The following AMD1 variants were observed in gnomAD, a reference collection of about 807,000 sequenced individuals.
AMD1 encodes the protein S-adenosylmethionine decarboxylase proenzyme.
In AMD1, 11 loss-of-function variants were observed where a neutral mutation model predicts 40.2. That is an observed-to-expected ratio of 0.27 (90% CI 0.17 to 0.45). The LOEUF is 0.45. Ranked by LOEUF, AMD1 falls within the 20% of genes least tolerant of loss-of-function variation. The probability of loss-of-function intolerance (pLI) is 1.00; values close to 1 mark genes in which losing one functional copy is unlikely to be tolerated. For missense variants in AMD1, 257 were observed against 410.2 expected (o/e 0.63, Z 3.23); for synonymous variants, 121 against 130.8 (o/e 0.93, Z 0.51).
the AMD1 span, among the ~76,000 whole-genome samples, chr6:110,851,089 G>A: frequency 1.3e-5 from 2 of 151,770 alleles, no homozygotes; most frequent in Non-Finnish European, 2.9e-5. Flanking sequence ...TCAGCTTCCC[G>A]AGTAGCTGGG....
intron 1 of AMD1, among the ~76,000 whole-genome samples, chr6:110,879,559 A>AG (rs1785295056): frequency 6.6e-6 from 1 of 152,182 alleles, no homozygotes; most frequent in Non-Finnish European, 1.5e-5. Flanking sequence ...TGCCGCAGGA[A>AG]GGCACCCTCA....
the AMD1 span, among the ~76,000 whole-genome samples, chr6:110,868,784 G>T: frequency 4.0e-3 from 610 of 152,090 alleles, 2 homozygotes; most frequent in African/African-American, 0.014. Context: ...GGCCAGGCGC[G>T]GTGGCTCACA....
chr6:110,819,882 C>G, the AMD1 span, among the ~76,000 whole-genome samples: 2 of 152,198 alleles, frequency 1.3e-5, no homozygotes, highest in African/African-American at 2.4e-5. Flanking sequence ...TCACTGACCC[C>G]TGGTCTCCTT....
chr6:110,854,566 A>G, the AMD1 span, among the ~76,000 whole-genome samples: 1 of 151,892 alleles, frequency 6.6e-6, no homozygotes, highest in Non-Finnish European at 1.5e-5. Context: ...CTCCTGCCTC[A>G]GCCTCCCAAG....
intron 1 of AMD1, among the ~76,000 whole-genome samples, chr6:110,879,056 C>T (rs887281448): frequency 2.0e-5 from 3 of 152,140 alleles, no homozygotes; most frequent in African/African-American, 4.8e-5. Flanking sequence ...TTACATTCCT[C>T]CCAGCAGTTT....
the AMD1 span, among the ~76,000 whole-genome samples, chr6:110,854,775 G>GA: frequency 1.6e-4 from 25 of 151,822 alleles, no homozygotes; most frequent in Non-Finnish European, 2.5e-4. Flanking sequence ...ACATTCTCTG[G>GA]AAAAAAATTC....
the AMD1 span, among the ~76,000 whole-genome samples, chr6:110,850,020 T>G: frequency 8.2e-6 from 1 of 122,398 alleles, no homozygotes; most frequent in Non-Finnish European, 1.7e-5. Context: ...CAAAACACTG[T>G]CAAAAAAAAA....
chr6:110,842,769 T>C, the AMD1 span, among the ~76,000 whole-genome samples: 4 of 152,092 alleles, frequency 2.6e-5, no homozygotes, highest in Non-Finnish European at 5.9e-5. Flanking sequence ...AAGAAAATCC[T>C]CTCTGGAAGA....
At chr6:110,848,538 A>G in the AMD1 span, 3 of 338,976 alleles carry the variant, frequency 8.9e-6, no homozygotes, top group East Asian at 3.4e-4. Context: ...CAACAACAAC[A>G]ACAAAACTGC....
chr6:110,882,176 G>A (rs1785442226), intron 1 of AMD1, among the ~76,000 whole-genome samples: 1 of 152,156 alleles, frequency 6.6e-6, no homozygotes. Context: ...CTGTCGCCCA[G>A]GCTGGTGTGC....
At chr6:110,886,948 G>A (rs1369008522) in intron 1 of AMD1, among the ~76,000 whole-genome samples, 1 of 152,118 alleles carries the variant, frequency 6.6e-6, no homozygotes, top group African/African-American at 2.4e-5. Context: ...CACATTTCCT[G>A]TTAAACGGGC....
the AMD1 span, chr6:110,858,264 AC>A: frequency 1.1e-6 from 1 of 922,108 alleles, no homozygotes; most frequent in Non-Finnish European, 1.7e-6. Context: ...TTCAACAAGG[AC>A]CCCTCGTACG....
intron 1 of AMD1, among the ~76,000 whole-genome samples, chr6:110,876,894 T>G (rs1439611049): frequency 1.3e-5 from 2 of 152,218 alleles, no homozygotes; most frequent in Non-Finnish European, 2.9e-5. Context: ...TTTAAATGTT[T>G]GAGCCCTTAA....
chr6:110,842,579 G>A, the AMD1 span, among the ~76,000 whole-genome samples: 1 of 152,154 alleles, frequency 6.6e-6, no homozygotes, highest in Non-Finnish European at 1.5e-5. Context: ...GAGTAGCTTA[G>A]CAGTAATAGT....
At chr6:110,837,745 AATATATATATATATAT>A in the AMD1 span, among the ~76,000 whole-genome samples, 21 of 17,832 alleles carry the variant, frequency 1.2e-3, no homozygotes, top group African/African-American at 4.5e-3. Flanking sequence ...AAAAAAAAAA[AATATATATATATATAT>A]ATATATATAT....
chr6:110,887,685 TTTTTGTTTTG>T, intron 2 of AMD1, 94 bp downstream of exon 2: 1 of 954,850 alleles, frequency 1.0e-6, no homozygotes, highest in Non-Finnish European at 1.5e-6. Flanking sequence ...TCTGGGGGTT[TTTTTGTTTTG>T]TTTTGTTTTT....
the AMD1 span, among the ~76,000 whole-genome samples, chr6:110,834,606 T>C: frequency 6.6e-6 from 1 of 152,146 alleles, no homozygotes; most frequent in East Asian, 1.9e-4. Flanking sequence ...GAAGATTGCT[T>C]GAGCTCAGGA....
the AMD1 span, chr6:110,858,652 C>T: frequency 6.5e-6 from 8 of 1,224,930 alleles, no homozygotes; most frequent in Non-Finnish European, 9.5e-6. Flanking sequence ...GGCTGCAGAG[C>T]GGGGTGGACA....
chr6:110,844,265 C>A, the AMD1 span, among the ~76,000 whole-genome samples: 1 of 143,702 alleles, frequency 7.0e-6, no homozygotes, highest in Non-Finnish European at 1.5e-5. Flanking sequence ...GAATTATAAT[C>A]TTTTTTTTTT....
Sources: gnomAD v4.1 joint callset for allele counts (sites outside exome capture counted in the v4.1 genomes callset) on GRCh38, gnomAD v4.1.1 for gene constraint, MANE v1.5 for transcripts, NCBI Gene and HGNC (gene_info 2026-07-23, HGNC 2026-07-21) for gene names.